Variants in HS3ST4 observed in about 807,000 individuals in gnomAD.
The protein encoded by HS3ST4 is heparan sulfate-glucosamine 3-sulfotransferase 4.
A neutral mutation model predicts 29.2 loss-of-function variants in HS3ST4; 17 were observed. That is an observed-to-expected ratio of 0.58 (90% CI 0.40 to 0.87). The LOEUF is 0.87. HS3ST4 is among the 40% of genes least tolerant of loss of function. The pLI is 0.00. For missense variants in HS3ST4, 627 were observed against 634.5 expected (o/e 0.99, Z 0.13); for synonymous variants, 314 against 285.7 (o/e 1.10, Z -1.00).
At chr16:26,112,139 C>T (rs1163135708) in intron 1 of HS3ST4, among the ~76,000 whole-genome samples, 1 of 151,974 alleles carries the variant, frequency 6.6e-6, no homozygotes, top group African/African-American at 2.4e-5. Context: ...TATTGGGTTG[C>T]AGCTTGGAGT....
chr16:25,970,399 T>C (rs1377381610), intron 1 of HS3ST4, among the ~76,000 whole-genome samples: 1 of 152,262 alleles, frequency 6.6e-6, no homozygotes, highest in African/African-American at 2.4e-5. Flanking sequence ...TTGTGGCCTA[T>C]GAATAATCAT....
chr16:25,901,286 A>G (rs1310747518), intron 1 of HS3ST4, among the ~76,000 whole-genome samples: 1 of 152,216 alleles, frequency 6.6e-6, no homozygotes, highest in East Asian at 1.9e-4. Flanking sequence ...CAGCATCTGC[A>G]GAAACTTAAC....
chr16:25,835,262 C>A (rs1967345769), intron 1 of HS3ST4, among the ~76,000 whole-genome samples: 1 of 152,180 alleles, frequency 6.6e-6, no homozygotes, highest in Admixed American at 6.5e-5. Flanking sequence ...CATCAAAACT[C>A]CTGACTACTT....
intron 1 of HS3ST4, among the ~76,000 whole-genome samples, chr16:25,802,949 G>A (rs997784718): frequency 1.3e-5 from 2 of 150,960 alleles, no homozygotes; most frequent in African/African-American, 4.9e-5. Context: ...GTGTGTGTGT[G>A]TGTGTGTGTG....
intron 1 of HS3ST4, among the ~76,000 whole-genome samples, chr16:25,905,132 G>A (rs1051489736): frequency 1.6e-4 from 25 of 152,074 alleles, no homozygotes; most frequent in Non-Finnish European, 1.6e-4. Flanking sequence ...TAGAGAGAAG[G>A]ACTCCTCCTC....
Position 25,836,545 on chromosome 16 carries a change from A to G in HS3ST4, c.734+143394A>G, listed in dbSNP as rs137925614. On this transcript the variant is annotated intron_variant, in intron 1 of 1. Transcript: ENST00000331351. ...ATAATTATAAATAAATAAAGTCTCC[A>G]CTTCTGCTATTTAGGGGAATGTTTC... Among the ~76,000 whole-genome samples, 779 of 152,298 alleles carry G rather than the reference A, an allele frequency of 5.1e-3. 8 individuals carry two copies. Among genetic ancestry groups the G allele is most frequent in the African/African-American group, 0.018 (750 of 41,566 alleles).
chr16:25,934,608 C>T (rs576477589), intron 1 of HS3ST4, among the ~76,000 whole-genome samples: 1 of 152,234 alleles, frequency 6.6e-6, no homozygotes, highest in African/African-American at 2.4e-5. Flanking sequence ...GATCTTGTAG[C>T]TCTGGGCAGT....
chr16:25,819,388 C>T (rs779404537), intron 1 of HS3ST4, among the ~76,000 whole-genome samples: 18 of 152,132 alleles, frequency 1.2e-4, no homozygotes, highest in Middle Eastern at 3.2e-3. Flanking sequence ...TATGTTGGCA[C>T]GTGACTGGTC....
intron 1 of HS3ST4, among the ~76,000 whole-genome samples, chr16:26,100,470 T>C (rs1410124434): frequency 1.3e-5 from 2 of 152,110 alleles, no homozygotes; most frequent in Non-Finnish European, 2.9e-5. Context: ...ACCCTCAAAA[T>C]TTGTGCTCAT....
intron 1 of HS3ST4, among the ~76,000 whole-genome samples, chr16:26,076,841 T>C (rs1026072925): frequency 1.3e-5 from 2 of 152,224 alleles, no homozygotes; most frequent in Non-Finnish European, 2.9e-5. Context: ...GCACATTTTC[T>C]TTCAGCCACA....
chr16:25,730,880 G>A (rs1351829047), intron 1 of HS3ST4, among the ~76,000 whole-genome samples: 1 of 152,078 alleles, frequency 6.6e-6, no homozygotes, highest in Non-Finnish European at 1.5e-5. Flanking sequence ...TTTACCAGAA[G>A]GACTCACAGA....
intron 1 of HS3ST4, among the ~76,000 whole-genome samples, chr16:25,995,714 C>T (rs1969153702): frequency 6.6e-6 from 1 of 152,118 alleles, no homozygotes; most frequent in African/African-American, 2.4e-5. Flanking sequence ...ATCAGGATAC[C>T]TACTACAGTG....
chr16:26,067,501 C>G (rs1460756671), intron 1 of HS3ST4, among the ~76,000 whole-genome samples: 1 of 151,890 alleles, frequency 6.6e-6, no homozygotes, highest in South Asian at 2.1e-4. Context: ...GCATTCCCAC[C>G]ACCCCCCACC....
At chr16:25,800,399 CCT>C (rs377747236) in intron 1 of HS3ST4, among the ~76,000 whole-genome samples, 1 of 151,204 alleles carries the variant, frequency 6.6e-6, no homozygotes, top group Non-Finnish European at 1.5e-5. Flanking sequence ...TTTCTCTCCC[CCT>C]CTCTCTTTTT....
chr16:26,116,354 C>T (rs1228860198), intron 1 of HS3ST4, among the ~76,000 whole-genome samples: 1 of 152,174 alleles, frequency 6.6e-6, no homozygotes, highest in Non-Finnish European at 1.5e-5. Context: ...CGTTGTATTA[C>T]CATTGCCAAG....
intron 1 of HS3ST4, among the ~76,000 whole-genome samples, chr16:25,716,090 C>T (rs1966452301): frequency 6.6e-6 from 1 of 152,198 alleles, no homozygotes; most frequent in South Asian, 2.1e-4. Context: ...AGTGGTTTTT[C>T]TTAAAATTCA....
chr16:25,945,428 G>T (rs942477143), intron 1 of HS3ST4, among the ~76,000 whole-genome samples: 4 of 152,134 alleles, frequency 2.6e-5, no homozygotes, highest in African/African-American at 7.2e-5. Flanking sequence ...CCAGGCTTTT[G>T]CCATGATGAA....
At chr16:25,771,146 C>G (rs773150302) in intron 1 of HS3ST4, among the ~76,000 whole-genome samples, 1 of 152,158 alleles carries the variant, frequency 6.6e-6, no homozygotes, top group Admixed American at 6.5e-5. Flanking sequence ...CCTTGCCCCC[C>G]ACACCCCAAC....
chr16:26,032,616 C>T (rs1202594615), intron 1 of HS3ST4: 3 of 1,381,160 alleles, frequency 2.2e-6, no homozygotes, highest in South Asian at 2.3e-5. Context: ...GGGTTATTCC[C>T]CTCCTTGCCA....
Sources: allele counts gnomAD v4.1 joint callset (sites outside exome capture counted in the v4.1 genomes callset), GRCh38; gene constraint gnomAD v4.1.1; transcripts MANE v1.5; gene names NCBI Gene and HGNC (gene_info 2026-07-23, HGNC 2026-07-21).